PDE3B: variants seen among roughly 807,000 people sequenced by gnomAD.
PDE3B encodes the protein phosphodiesterase 3B, also known as cGMP-inhibited 3',5'-cyclic phosphodiesterase 3B.
Under a neutral mutation model 116.8 loss-of-function variants are expected in PDE3B, and 66 were observed. The observed-to-expected ratio is 0.56, with a 90% CI of 0.46 to 0.69. The LOEUF (loss-of-function observed/expected upper bound fraction) is 0.69. Among genes scored for constraint, PDE3B ranks in the 30% least tolerant of loss-of-function variants. The pLI, the probability that PDE3B is intolerant of heterozygous loss-of-function variation, is 0.00. For missense variants in PDE3B, 1,384 were observed against 1,368.1 expected, an observed-to-expected ratio of 1.01 and a Z score of -0.18; for synonymous variants, 595 against 533.6, an observed-to-expected ratio of 1.12 and a Z score of -1.59.
At chr11:14,741,314 G>A (rs1197083668) in intron 1 of PDE3B, among the ~76,000 whole-genome samples, 1 of 152,062 alleles carries the variant, frequency 6.6e-6, no homozygotes, top group African/African-American at 2.4e-5. Flanking sequence ...ATTTAGGATA[G>A]TTAGCTCTTT....
chr11:14,816,911 T>A (rs995411818), intron 5 of PDE3B, among the ~76,000 whole-genome samples: 3 of 152,164 alleles, frequency 2.0e-5, no homozygotes, highest in Admixed American at 6.5e-5. Context: ...TAGAAATACC[T>A]TTTGACCCAG....
At chr11:14,892,090 A>G in the PDE3B span, 1 of 1,611,718 alleles carries the variant, frequency 6.2e-7, no homozygotes, top group South Asian at 1.1e-5. Flanking sequence ...CCCCGGGGGG[A>G]AGCCCATCGG....
intron 12 of PDE3B, among the ~76,000 whole-genome samples, chr11:14,851,047 T>G (rs1029654971): frequency 6.6e-6 from 1 of 150,540 alleles, no homozygotes; most frequent in South Asian, 2.1e-4. Flanking sequence ...ATGGTCTCGA[T>G]CTCTTGACCT....
At chr11:14,876,759 G>C (rs1848193572), downstream of PDE3B, among the ~76,000 whole-genome samples, 1 of 152,086 alleles carries the variant, frequency 6.6e-6, no homozygotes, top group South Asian at 2.1e-4. Flanking sequence ...AGATAAAGCT[G>C]GTATCATCTG....
chr11:14,874,749 T>G (rs1323549116), downstream of PDE3B, among the ~76,000 whole-genome samples: 1 of 152,198 alleles, frequency 6.6e-6, no homozygotes, highest in Non-Finnish European at 1.5e-5. Context: ...CCTCTTCTCA[T>G]TTTTTGTTAG....
downstream of PDE3B, among the ~76,000 whole-genome samples, chr11:14,873,788 T>G (rs1004620505): frequency 5.3e-5 from 8 of 152,214 alleles, no homozygotes; most frequent in Admixed American, 4.6e-4. Flanking sequence ...GTCATAGTAT[T>G]GGCTTCTGGT....
rs868407495 is a variant in PDE3B, at chr11:14,667,183, G to A, written c.978+22130G>A. The stretch of plus-strand genomic sequence containing the variant: ...ATCATTCCCAGTAAACTATCGCAAG[G>A]ACAAAAAACCAAACACCACATATTC... On this transcript the variant is annotated intron_variant, in intron 1 of 15. Coordinates refer to ENST00000282096, the MANE Select transcript of PDE3B (RefSeq NM_000922.4). Among the ~76,000 whole-genome samples the A allele has an allele frequency of 5.9e-3, 878 of 150,036 alleles. 11 individuals are homozygous for A. Among genetic ancestry groups the A allele is most frequent in the African/African-American group, 0.021 (842 of 40,690 alleles).
intron 7 of PDE3B, among the ~76,000 whole-genome samples, chr11:14,824,789 G>A (rs72869778): frequency 0.11 from 17,227 of 152,068 alleles, 1,277 homozygotes; most frequent in East Asian, 0.26. Flanking sequence ...GAGAACTCGT[G>A]CAAGATTCTA....
At chr11:14,869,121 A>G (rs917235932) in intron 15 of PDE3B, among the ~76,000 whole-genome samples, 2 of 152,076 alleles carry the variant, frequency 1.3e-5, no homozygotes, top group African/African-American at 4.8e-5. Flanking sequence ...GGTTATTTTC[A>G]TTTGAAATTT....
chr11:14,646,941 A>G (rs1029383409), intron 1 of PDE3B, among the ~76,000 whole-genome samples: 1 of 152,104 alleles, frequency 6.6e-6, no homozygotes, highest in Non-Finnish European at 1.5e-5. Flanking sequence ...GTATATGTGA[A>G]TAGTTCAGGG....
At chr11:14,839,775 T>C (rs1860165063) in intron 11 of PDE3B, among the ~76,000 whole-genome samples, 1 of 152,180 alleles carries the variant, frequency 6.6e-6, no homozygotes. Flanking sequence ...AGCCATTACA[T>C]TGATGAGATA....
At chr11:14,685,753 G>A (rs1413182568) in intron 1 of PDE3B, among the ~76,000 whole-genome samples, 5 of 152,060 alleles carry the variant, frequency 3.3e-5, no homozygotes, top group Admixed American at 3.3e-4. Context: ...ACTGCACCTG[G>A]CCTCATCTTT....
At chr11:14,823,541 A>C (rs1401031781) in intron 7 of PDE3B, among the ~76,000 whole-genome samples, 1 of 151,732 alleles carries the variant, frequency 6.6e-6, no homozygotes, top group South Asian at 2.1e-4. Flanking sequence ...GCTTTTTTAC[A>C]CAGGTCCTCA....
chr11:14,657,987 C>G (rs866544911), intron 1 of PDE3B, among the ~76,000 whole-genome samples: 2 of 152,172 alleles, frequency 1.3e-5, no homozygotes, highest in African/African-American at 4.8e-5. Flanking sequence ...GTTAAACAGA[C>G]TTCCCTGGTC....
intron 14 of PDE3B, among the ~76,000 whole-genome samples, chr11:14,864,739 CG>C (rs1231930473): frequency 6.6e-6 from 1 of 151,990 alleles, no homozygotes; most frequent in Admixed American, 6.6e-5. Context: ...GACATGGAAA[CG>C]GAACAACCTG....
rs558701991 is a variant in PDE3B, at chr11:14,661,516, C to T, written c.978+16463C>T. Among the ~76,000 whole-genome samples, 404 of 152,270 alleles carry T rather than the reference C, an allele frequency of 2.7e-3. 2 individuals carry two copies. The highest frequency in any genetic ancestry group is 4.7e-3 in the Non-Finnish European group (319 of 68,018). The stretch of plus-strand genomic sequence containing the variant: ...AAGCAGGGTGAGGCATTGCCTCACT[C>T]GGGAAGCGCAAGGGGTCAGGGAGTT... On this transcript the variant is annotated intron_variant, in intron 1 of 15. Coordinates refer to ENST00000282096, the MANE Select transcript of PDE3B (RefSeq NM_000922.4).
chr11:14,686,752 C>T (rs1282736800), intron 1 of PDE3B, among the ~76,000 whole-genome samples: 1 of 151,950 alleles, frequency 6.6e-6, no homozygotes, highest in Non-Finnish European at 1.5e-5. Context: ...CTCGCTGTGT[C>T]GCCCAAGCTG....
At chr11:14,749,698 G>T (rs1045590442) in intron 1 of PDE3B, among the ~76,000 whole-genome samples, 1 of 151,314 alleles carries the variant, frequency 6.6e-6, no homozygotes, top group African/African-American at 2.4e-5. Flanking sequence ...ATATACTGCA[G>T]ATGGTCTCTA....
At chr11:14,731,360 G>A (rs1043636496) in intron 1 of PDE3B, among the ~76,000 whole-genome samples, 12 of 149,356 alleles carry the variant, frequency 8.0e-5, no homozygotes, top group Admixed American at 2.7e-4. Context: ...CCGAGTTCAC[G>A]CCATTCTCCT....
Sources: allele counts gnomAD v4.1 joint callset (sites outside exome capture counted in the v4.1 genomes callset), GRCh38; gene constraint gnomAD v4.1.1; transcripts MANE v1.5; gene names NCBI Gene and HGNC (gene_info 2026-07-23, HGNC 2026-07-21).